The following CLDN7 variants were observed in gnomAD, a reference collection of about 807,000 sequenced individuals.
The protein encoded by CLDN7 is claudin-7.
CLDN7 carries 15 observed loss-of-function variants against 20.3 expected under a neutral mutation model. That is an observed-to-expected ratio of 0.74 (90% confidence interval 0.49 to 1.14). The LOEUF (loss-of-function observed/expected upper bound fraction) is 1.14. Ranked by LOEUF, CLDN7 falls within the 50% of genes most tolerant of loss-of-function variation. The pLI is 0.00. For synonymous variants in CLDN7, 117 were observed against 106.1 expected (o/e 1.10, Z -0.63); for missense variants, 261 against 274.2 (o/e 0.95, Z 0.34).
At position 7,260,218 on chromosome 17, in the gene CLDN7, A is replaced by AC; in HGVS notation, c.*155dup. 1 of 365,282 alleles carries AC rather than the reference A, an allele frequency of 2.7e-6. No homozygotes were observed. The highest frequency in any genetic ancestry group is 4.9e-6 in the Non-Finnish European group (1 of 203,986). The allele number at this position is 365,282 out of a possible 1,614,324, so 22.6% of individuals were successfully genotyped here. ...TCTCTCCCACCAACGGCACCCCCCC[A>AC]CCCCCAACCCAAGAGGACTATACAT... On this transcript the variant is annotated 3_prime_UTR_variant, in exon 4 of 4. Transcript: ENST00000360325.
At chr17:7,261,086 C>G (rs575993475) in intron 1 of CLDN7, 101 bp from the exon 2 acceptor site, 2 of 1,451,562 alleles carry the variant, frequency 1.4e-6, no homozygotes, top group East Asian at 2.5e-5. Context: ...CTCTTCTGTC[C>G]GGCGCCGTGT....
intron 1 of CLDN7, 157 bp from the exon 2 acceptor site, chr17:7,261,142 G>A (rs2072207688): frequency 2.0e-6 from 2 of 992,448 alleles, no homozygotes; most frequent in Non-Finnish European, 2.9e-6. Context: ...CCTGGGCCAA[G>A]CGGGCAGGTC....
In CLDN7 at chr17:7,262,057, A is replaced by T; in HGVS notation, c.-14T>A. ...CGAATTGGCCATTTCCGCCCTCAGA[A>T]AACACTGGGGGCGCCGGGCGGGGAG... On this transcript the variant is annotated 5_prime_UTR_variant, in exon 1 of 4. Coordinates refer to ENST00000360325, the MANE Select transcript of CLDN7 (RefSeq NM_001307.6). This position sits in a 1 kb window ranked among gnomAD's most constrained non-coding sequence, Gnocchi z 6.6. 1 of 1,578,536 alleles carries T rather than the reference A, an allele frequency of 6.3e-7. No homozygotes were observed. Among genetic ancestry groups the T allele is most frequent in the South Asian group, 1.1e-5 (1 of 88,532 alleles).
Position 7,260,811 on chromosome 17 carries a change from G to A in CLDN7, c.388+10C>T. On this transcript the variant is annotated intron_variant, in intron 2 of 3. Transcript: ENST00000360325. ...TTGCTCCTCCCAGATGGGAGAACCC[G>A]GGGGCTCACCTGCCACGATGAAAAT... 1 of 1,614,162 alleles carries A rather than the reference G, an allele frequency of 6.2e-7. No individual in the cohort carries two copies. The highest frequency in any genetic ancestry group is 8.5e-7 in the Non-Finnish European group (1 of 1,180,022).
In CLDN7 at chr17:7,260,414, C is replaced by T. The variant is rs773251272; in HGVS notation, c.596G>A (p.Arg199His). The T allele has an allele frequency of 5.0e-6, 8 of 1,613,116 alleles. No individual in the cohort carries two copies. Among genetic ancestry groups the T allele is most frequent in the East Asian group, 2.2e-5 (1 of 44,868 alleles). ...NESKAGYRVP[R>H]SYPKSNSSKE... ...GGAAGAGTTGGACTTAGGGTAAGAG[C>T]GGGGTACACGGTACCCAGCCTTGCT... Residue 199 changes from arginine to histidine, a missense_variant, in exon 4 of 4, where the codon CGC (arginine) becomes CAC (histidine). Physicochemically the swap from Arg to His is conservative, Grantham distance 29 (BLOSUM62 0). This residue lies in a region of CLDN7 where 215 missense variants were observed against 199.6 expected (regional missense o/e 1.08). Coordinates refer to ENST00000360325, the MANE Select transcript of CLDN7 (RefSeq NM_001307.6).
rs2072177304 is a variant in CLDN7 at position 7,259,966 on chromosome 17, A to AG, written c.*407dup. 2.7e-6 allele frequency: 1 copy of AG among 371,318 alleles called. No individual in the cohort carries two copies. The highest frequency in any genetic ancestry group is 4.8e-6 in the Non-Finnish European group (1 of 210,160). 23.0% of individuals were successfully genotyped at this position (371,318 alleles called of 1,614,324 possible). A position where few individuals can be genotyped will look rare whatever the true frequency, so the allele number is the denominator to read the frequency against. On this transcript the variant is annotated 3_prime_UTR_variant, in exon 4 of 4. Coordinates refer to ENST00000360325, the MANE Select transcript of CLDN7 (RefSeq NM_001307.6). ...GTACTTTGGTAGCTATTTAAATAAG[A>AG]GGGGGGTGGGAATGAATGTCGAGAT...
In CLDN7 at chr17:7,260,947, G is replaced by C; in HGVS notation, c.262C>G (p.Leu88Val). The change falls in exon 2 of 4, where the codon CTG becomes GTG. Residue 88 changes from leucine to valine, a missense_variant. Physicochemically the swap from Leu to Val is conservative, Grantham distance 32. Coordinates refer to ENST00000360325, the MANE Select transcript of CLDN7 (RefSeq NM_001307.6). ...QATRALMVVSLVLGFLAMFVA... is the reference protein window; with the variant it reads ...QATRALMVVSVVLGFLAMFVA... ...AACATGGCCAGGAAGCCCAGCACCA[G>C]GGAGACCACCATTAGGGCTCGAGTG... 6.2e-7 allele frequency: 1 copy of C among 1,613,616 alleles called. No homozygotes were observed. The highest frequency in any genetic ancestry group is 8.5e-7 in the Non-Finnish European group (1 of 1,180,004).
intron 1 of CLDN7, 104 bp downstream of exon 1, chr17:7,261,717 C>G: frequency 1.6e-6 from 2 of 1,248,392 alleles, no homozygotes; most frequent in Admixed American, 2.4e-5. Flanking sequence ...CTGCAGCTCC[C>G]CGGCAACCCA....
At chr17:7,261,639 G>A (rs1461068354) in intron 1 of CLDN7, among the ~76,000 whole-genome samples, 182 bp downstream of exon 1, 3 of 152,030 alleles carry the variant, frequency 2.0e-5, no homozygotes, top group Admixed American at 6.5e-5. Context: ...GCGCGCCCAC[G>A]TGCAGCCGCC....
chr17:7,261,823 G>C lies in CLDN7; in HGVS notation c.221C>G (p.Ser74Cys). 2.5e-6 allele frequency: 4 copies of C among 1,612,460 alleles called. No homozygotes were observed. The highest frequency in any genetic ancestry group is 3.4e-6 in the Non-Finnish European group (4 of 1,179,998). ...CCCCGTCGGTCCCGCGGCCTTACCGGACAGGGCGAGCACCGAGTCGTACAT... is the reference window on the plus strand; with the variant it reads ...CCCCGTCGGTCCCGCGGCCTTACCGCACAGGGCGAGCACCGAGTCGTACAT... The part of the protein sequence containing the change: ...CKMYDSVLAL[S>C]AALQATRALM... Residue 74 changes from serine to cysteine, a missense_variant and splice_region_variant, in exon 1 of 4, where the codon TCC becomes TGC. Around this residue, in one of 2 missense-constraint regions of CLDN7, gnomAD observed 215 missense variants for 199.6 expected, o/e 1.08. Coordinates refer to ENST00000360325, the MANE Select transcript of CLDN7 (RefSeq NM_001307.6).
Position 7,260,264 on chromosome 17 carries a change from C to A in CLDN7, c.*110G>T. On this transcript the variant is annotated 3_prime_UTR_variant, in exon 4 of 4. Coordinates refer to ENST00000360325, the MANE Select transcript of CLDN7 (RefSeq NM_001307.6). ...TACATGGAGTGCAGGGACAGAGTGA[C>A]CAGGAGGCCTTTGTCCGGCACCCTG... 1 of 1,123,686 alleles carries A rather than the reference C, an allele frequency of 8.9e-7. No individual in the cohort carries two copies. The highest frequency in any genetic ancestry group is 1.3e-6 in the Non-Finnish European group (1 of 795,202). 69.6% of individuals were successfully genotyped at this position (1,123,686 alleles called of 1,614,324 possible).
chr17:7,261,305 C>G (rs1037996280), intron 1 of CLDN7, among the ~76,000 whole-genome samples: 1 of 152,178 alleles, frequency 6.6e-6, no homozygotes, highest in African/African-American at 2.4e-5. Context: ...TGGTCCGAAG[C>G]CCCGCGCGGC....
At position 7,261,750 on chromosome 17, in the gene CLDN7, G is replaced by A. The variant is rs944792185; in HGVS notation, c.223+71C>T. 8.1e-6 allele frequency: 12 copies of A among 1,489,030 alleles called. 1 individual carries two copies. In the South Asian group the frequency reaches 1.3e-4, roughly 16 times the overall value. 92.2% of individuals were successfully genotyped at this position (1,489,030 alleles called of 1,614,324 possible). A position where few individuals can be genotyped will look rare whatever the true frequency, so the allele number is the denominator to read the frequency against. ...CCAGGGCCCCCAGCCGTGGGGCCTC[G>A]GCTCTCCCACGCGCGCCACCCCGCC... On this transcript the variant is annotated intron_variant, in intron 1 of 3. Transcript: ENST00000360325.
Position 7,259,920 on chromosome 17 carries a change from TA to T in CLDN7, c.*453del. ...CACCCCCGTACCTAATAAAAATCTT[TA>T]TTTTTTTATTAAAAAAGAAGTACTT... On this transcript the variant is annotated 3_prime_UTR_variant, in exon 4 of 4. Transcript: ENST00000360325. 3 of 478,760 alleles carry T rather than the reference TA, an allele frequency of 6.3e-6. No homozygotes were observed. The highest frequency in any genetic ancestry group is 3.4e-6 in the Non-Finnish European group (1 of 295,730). 29.7% of individuals were successfully genotyped at this position (478,760 alleles called of 1,614,324 possible). A position where few individuals can be genotyped will look rare whatever the true frequency, so the allele number is the denominator to read the frequency against.
intron 1 of CLDN7, 140 bp from the exon 2 acceptor site, chr17:7,261,125 TCCAAGACCTGGG>T: frequency 2.5e-6 from 3 of 1,196,408 alleles, no homozygotes; most frequent in Non-Finnish European, 3.4e-6. Context: ...CGCCCAGGTG[TCCAAGACCTGGG>T]CCAAGCGGGC....
intron 1 of CLDN7, 147 bp downstream of exon 1, chr17:7,261,673 AG>A: frequency 6.6e-6 from 1 of 151,958 alleles, no homozygotes; most frequent in African/African-American, 3.8e-5. Flanking sequence ...GCTCCCGCCC[AG>A]CCCCGCCGCC....
rs750701862 is a variant in CLDN7 at position 7,260,941 on chromosome 17, G to C, written c.268C>G (p.Leu90Val). 2.5e-6 allele frequency: 4 copies of C among 1,613,760 alleles called. No individual in the cohort carries two copies. Among genetic ancestry groups the C allele is most frequent in the South Asian group, 1.1e-5 (1 of 91,084 alleles). ...GCCACAAACATGGCCAGGAAGCCCA[G>C]CACCAGGGAGACCACCATTAGGGCT... ...TRALMVVSLVLGFLAMFVATM... is the reference protein window; with the variant it reads ...TRALMVVSLVVGFLAMFVATM... The change falls in exon 2 of 4, where the codon CTG becomes GTG. Residue 90 changes from leucine (L) to valine (V), a missense_variant. Coordinates refer to ENST00000360325, the MANE Select transcript of CLDN7 (RefSeq NM_001307.6).
At position 7,262,447 on chromosome 17, in the gene CLDN7, G is replaced by A; in HGVS notation, c.-404C>T. Reference sequence around the variant, plus strand: ...GTCCGAGGCTGCGGTGCGCAGCAGAGGTGGCTCGGAGGTGAGCCAGCAGGT... The same window carrying A: ...GTCCGAGGCTGCGGTGCGCAGCAGAAGTGGCTCGGAGGTGAGCCAGCAGGT... On this transcript the variant is annotated 5_prime_UTR_variant, in exon 1 of 4. Transcript: ENST00000360325. This position sits in a 1 kb window ranked among gnomAD's most constrained non-coding sequence, Gnocchi z 6.6. The A allele has an allele frequency of 1.9e-6, 2 of 1,042,378 alleles. No homozygotes were observed. The highest frequency in any genetic ancestry group is 2.3e-6 in the Non-Finnish European group (2 of 862,768). 64.6% of individuals were successfully genotyped at this position (1,042,378 alleles called of 1,614,324 possible). A position where few individuals can be genotyped will look rare whatever the true frequency, so the allele number is the denominator to read the frequency against.
rs2072236731 is a variant in CLDN7 at position 7,262,111 on chromosome 17, G to A, written c.-68C>T. 6.6e-7 allele frequency: 1 copy of A among 1,522,090 alleles called. No homozygotes were observed. Among genetic ancestry groups the A allele is most frequent in the South Asian group, 1.2e-5 (1 of 81,416 alleles). The allele number at this position is 1,522,090 out of a possible 1,614,324, so 94.3% of individuals were successfully genotyped here. On this transcript the variant is annotated 5_prime_UTR_variant, in exon 1 of 4. Transcript: ENST00000360325. This position sits in a 1 kb window ranked among gnomAD's most constrained non-coding sequence, Gnocchi z 6.6. ...CTACAGTAAAACAAACGACACTTGG[G>A]GGGCAGCCCCACAAAAGAAAACTTG...
Sources: gnomAD v4.1 joint callset for allele counts (sites outside exome capture counted in the v4.1 genomes callset) on GRCh38, gnomAD v4.1.1 for gene constraint, gnomAD v4.1.1 regional missense constraint, Gnocchi (gnomAD v3.1) non-coding constraint, MANE v1.5 for transcripts, NCBI Gene and HGNC (gene_info 2026-07-23, HGNC 2026-07-21) for gene names.